Variants in MYL5 observed in about 807,000 individuals in gnomAD.
MYL5 encodes myosin light chain 5.
MYL5 carries 28 observed loss-of-function variants against 20.8 expected under a neutral mutation model. That is an observed-to-expected ratio of 1.35 (90% CI 1.00 to 1.84). The LOEUF is 1.84. MYL5 is among the 40% of genes most tolerant of loss of function. The pLI is 0.00. For synonymous variants in MYL5, 118 were observed against 87.4 expected (o/e 1.35, Z -1.95); for missense variants, 274 against 227.3 (o/e 1.21, Z -1.32).
intron 1 of MYL5, chr4:678,314 G>C: frequency 1.4e-6 from 2 of 1,428,320 alleles, no homozygotes; most frequent in Non-Finnish European, 1.8e-6. Context: ...ACAAAATCCC[G>C]GTACCCAGAA....
chr4:677,471 A>G (rs1037688572), upstream of MYL5, among the ~76,000 whole-genome samples: 10 of 152,200 alleles, frequency 6.6e-5, no homozygotes, highest in Non-Finnish European at 1.2e-4. Flanking sequence ...GGGCCAGGCA[A>G]GGAGCTCCCA....
chr4:678,840 C>T, intron 2 of MYL5, 75 bp downstream of exon 4: 1 of 1,607,480 alleles, frequency 6.2e-7, no homozygotes, highest in African/African-American at 1.3e-5. Flanking sequence ...TGGGCTGGCT[C>T]CAGGGCCAGC....
chr4:678,481 G>A (rs1739081929), intron 1 of MYL5, 177 bp from the exon 4 acceptor site: 2 of 1,436,216 alleles, frequency 1.4e-6, no homozygotes, highest in African/African-American at 1.4e-5. Flanking sequence ...CAGCCGTCCT[G>A]CCCCCAACCC....
At chr4:678,884 G>C in intron 2 of MYL5, 74 bp from the exon 5 acceptor site, 1 of 1,609,638 alleles carries the variant, frequency 6.2e-7, no homozygotes, top group Non-Finnish European at 8.5e-7. Flanking sequence ...CAGGGGTGCT[G>C]AGGAACCGGG....
At chr4:680,555 C>A (rs751957458) in exon 5 of MYL5, 1 of 1,613,530 alleles carries the variant, frequency 6.2e-7, no homozygotes, top group East Asian at 2.2e-5. Flanking sequence ...AGATGCTGGA[C>A]CCGGACGGGA....
intron 6 of MYL5, 113 bp from the exon 9 acceptor site, chr4:681,780 C>T: frequency 8.2e-7 from 1 of 1,224,682 alleles, no homozygotes; most frequent in Non-Finnish European, 1.0e-6. Context: ...CGCACCCGGG[C>T]CCCTCCCCGC....
chr4:675,020 C>T (rs1193235074), upstream of MYL5: 7 of 152,468 alleles, frequency 4.6e-5, no homozygotes, highest in African/African-American at 1.7e-4. Flanking sequence ...GACCAGCCCC[C>T]AACAGAGGCT....
exon 5 of MYL5, chr4:680,538 G>T: frequency 6.2e-7 from 1 of 1,613,564 alleles, no homozygotes; most frequent in Non-Finnish European, 8.5e-7. Context: ...CATTCTTAAC[G>T]CCTTCAAGAT....
At chr4:676,969 CAG>C (rs1056127363), upstream of MYL5, 200 of 978,812 alleles carry the variant, frequency 2.0e-4, no homozygotes, top group East Asian at 1.0e-3. Context: ...ATGTGTCCCT[CAG>C]GGGGTAGGAC....
At position 678,106 on chromosome 4, in the gene MYL5, C is replaced by A. The variant is rs374218406; in HGVS notation, c.3+77C>A. On this transcript the variant is annotated intron_variant, in intron 1 of 6. Coordinates refer to ENST00000400159, the Ensembl canonical transcript of MYL5. Reference sequence around the variant, plus strand: ...CTGTGCATGTGTACATGCGCACAGACGAGCGTGGGCGTGTCCGTGCTTGCG... The same window carrying A: ...CTGTGCATGTGTACATGCGCACAGAAGAGCGTGGGCGTGTCCGTGCTTGCG... 1.1e-4 allele frequency: 180 copies of A among 1,594,058 alleles called. 1 individual carries two copies. The highest frequency in any genetic ancestry group is 1.7e-4 in the Middle Eastern group (1 of 5,726).
chr4:676,317 G>A (rs1257852420), upstream of MYL5: 1 of 152,466 alleles, frequency 6.6e-6, no homozygotes, highest in Non-Finnish European at 1.5e-5. Flanking sequence ...GGTAGGGGGT[G>A]AGGGGGACAT....
At chr4:680,816 C>T (rs1311223320) in intron 5 of MYL5, 6 of 631,374 alleles carry the variant, frequency 9.5e-6, no homozygotes, top group Non-Finnish European at 1.1e-5. Flanking sequence ...TCCCCTCAGC[C>T]CACTCCTCCA....
At chr4:680,048 C>T (rs766961123) in intron 4 of MYL5, 30 bp downstream of exon 6, 1 of 1,526,158 alleles carries the variant, frequency 6.6e-7, no homozygotes, top group Non-Finnish European at 9.0e-7. Flanking sequence ...GCCTGGCCCT[C>T]CTAGCTAATT....
intron 6 of MYL5, 149 bp from the exon 9 acceptor site, chr4:681,744 C>CGCCCCCTCCAGCGCCGCCCT (rs1739673474): frequency 1.1e-6 from 1 of 922,258 alleles, no homozygotes; most frequent in Non-Finnish European, 1.4e-6. Context: ...AGCGCCGCCC[C>CGCCCCCTCCAGCGCCGCCCT]GCCCCCTCCA....
chr4:679,925 G>A (rs552131207), exon 4 of MYL5: 85 of 1,613,686 alleles, frequency 5.3e-5, no homozygotes, highest in East Asian at 5.1e-4. Context: ...CAAGACCAAC[G>A]TCAAGGACGA....
At position 678,186 on chromosome 4, in the gene MYL5, GTGTA is replaced by G. The variant is rs2109330066; in HGVS notation, c.3+161_3+164del. On this transcript the variant is annotated intron_variant, in intron 1 of 6. Coordinates refer to ENST00000400159, the Ensembl canonical transcript of MYL5. Reference sequence around the variant, plus strand: ...CCTGCATATGTGTGTGCATGAGCGTGTGTATGTGCGTGTGTGTGACCTTGCGGGT... The same window carrying G: ...CCTGCATATGTGTGTGCATGAGCGTGTGTGCGTGTGTGTGACCTTGCGGGT... 2.6e-6 allele frequency: 4 copies of G among 1,530,030 alleles called. No individual in the cohort carries two copies. In the East Asian group the frequency reaches 7.4e-5, roughly 28 times the overall value. The allele number at this position is 1,530,030 out of a possible 1,614,324, so 94.8% of individuals were successfully genotyped here. A position where few individuals can be genotyped will look rare whatever the true frequency, so the allele number is the denominator to read the frequency against.
At position 680,539 on chromosome 4, in the gene MYL5, C is replaced by T. The variant is rs201436287; in HGVS notation, c.323C>T (p.Ala108Val). Residue 108 changes from alanine to valine, a missense_variant, in exon 5 of 7, where the codon GCC (alanine) becomes GTC (valine). Ala to Val is a moderately conservative substitution (Grantham distance 64, BLOSUM62 0). Coordinates refer to ENST00000400159, the Ensembl canonical transcript of MYL5. ...GACGCCGAGGAGACCATTCTTAACGCCTTCAAGATGCTGGACCCGGACGGG... is the reference window on the plus strand; with the variant it reads ...GACGCCGAGGAGACCATTCTTAACGTCTTCAAGATGCTGGACCCGGACGGG... The T allele has an allele frequency of 4.0e-4, 644 of 1,613,464 alleles. 2 individuals are homozygous for T. Among genetic ancestry groups the T allele is most frequent in the Non-Finnish European group, 4.8e-4 (570 of 1,179,956 alleles).
rs1739262606 is a variant in MYL5, at chr4:679,816, C to T, written c.188-98C>T. 4 of 1,005,682 alleles carry T rather than the reference C, an allele frequency of 4.0e-6. No individual in the cohort carries two copies. In the Admixed American group the frequency reaches 6.3e-5, roughly 16 times the overall value. The allele number at this position is 1,005,682 out of a possible 1,614,324, so 62.3% of individuals were successfully genotyped here. A position where few individuals can be genotyped will look rare whatever the true frequency, so the allele number is the denominator to read the frequency against. ...GTCTCCTTCCCGCTCCCTCCCCACC[C>T]TTCCCATCTGCCTGCCTGGCCCTGT... On this transcript the variant is annotated intron_variant, in intron 3 of 6. Coordinates refer to ENST00000400159, the Ensembl canonical transcript of MYL5.
chr4:681,865 C>A (rs1349113803), intron 6 of MYL5, 28 bp from the exon 9 acceptor site: 1 of 1,309,238 alleles, frequency 7.6e-7, no homozygotes, highest in Non-Finnish European at 9.8e-7. Context: ...CCGGAGCCCG[C>A]AAGGAGCCCT....
Sources: allele counts gnomAD v4.1 joint callset (sites outside exome capture counted in the v4.1 genomes callset), GRCh38; gene constraint gnomAD v4.1.1; transcripts MANE v1.5; gene names NCBI Gene and HGNC (gene_info 2026-07-23, HGNC 2026-07-21).